RBFOX1: variants seen among roughly 807,000 people sequenced by gnomAD.
RBFOX1 encodes RNA binding protein fox-1 homolog 1.
Under a neutral mutation model 57.7 loss-of-function variants are expected in RBFOX1, and 8 were observed. The observed-to-expected ratio is 0.14, with a 90% CI of 0.08 to 0.25. The LOEUF (loss-of-function observed/expected upper bound fraction) is 0.25, where lower values mean the gene tolerates loss of function less well. Ranked by LOEUF, RBFOX1 falls within the 10% of genes least tolerant of loss-of-function variation. The probability of loss-of-function intolerance (pLI) is 1.00; values close to 1 mark genes in which losing one functional copy is unlikely to be tolerated. For missense variants in RBFOX1, 611 were observed against 548.5 expected (o/e 1.11, Z -1.14); for synonymous variants, 326 against 222.4 (o/e 1.47, Z -4.15).
chr16:7,519,807 T>G, intron 5 of RBFOX1: 1 of 820,320 alleles, frequency 1.2e-6, no homozygotes, highest in Non-Finnish European at 1.5e-6. Context: ...ACATTTCCTG[T>G]GATAAAAGAA....
intron 4 of RBFOX1, among the ~76,000 whole-genome samples, chr16:7,324,869 A>C (rs2096591321): frequency 6.6e-6 from 1 of 152,204 alleles, no homozygotes; most frequent in Admixed American, 6.5e-5. Context: ...CATCTTCATC[A>C]TCCCTAAAAA....
intron 4 of RBFOX1, among the ~76,000 whole-genome samples, chr16:7,112,066 G>A (rs556524249): frequency 1.8e-4 from 27 of 152,292 alleles, no homozygotes; most frequent in African/African-American, 6.0e-4. Context: ...GTGTGAGAGA[G>A]ATAAATTAAT....
intron 1 of RBFOX1, among the ~76,000 whole-genome samples, chr16:6,266,511 C>T (rs928358884): frequency 2.6e-5 from 4 of 151,944 alleles, no homozygotes; most frequent in Middle Eastern, 3.2e-3. Flanking sequence ...GTCAGGAGTT[C>T]GAGACCAGCC....
chr16:7,547,248 C>A (rs2084827007), intron 5 of RBFOX1, among the ~76,000 whole-genome samples: 1 of 152,218 alleles, frequency 6.6e-6, no homozygotes, highest in South Asian at 2.1e-4. Context: ...TAAAATCCAG[C>A]AGGCAACCTG....
At chr16:5,974,556 G>T (rs563477240) in intron 4 of RBFOX1, among the ~76,000 whole-genome samples, 2 of 152,164 alleles carry the variant, frequency 1.3e-5, no homozygotes, top group African/African-American at 2.4e-5. Context: ...GTTGCAGTGA[G>T]CTGAGATGGC....
intron 3 of RBFOX1, among the ~76,000 whole-genome samples, chr16:6,784,288 G>A (rs796240180): frequency 3.3e-5 from 5 of 151,856 alleles, no homozygotes; most frequent in Admixed American, 2.0e-4. Flanking sequence ...AATATTACAG[G>A]CATCTTTTGT....
intron 3 of RBFOX1, among the ~76,000 whole-genome samples, chr16:5,644,821 G>A (rs555378642): frequency 6.6e-6 from 1 of 152,238 alleles, no homozygotes; most frequent in East Asian, 1.9e-4. Context: ...TGTACTTTTT[G>A]CCAATTGTGA....
chr16:7,626,631 G>A (rs2060115177), intron 10 of RBFOX1, among the ~76,000 whole-genome samples: 1 of 152,146 alleles, frequency 6.6e-6, no homozygotes, highest in African/African-American at 2.4e-5. Flanking sequence ...AACTTTATAA[G>A]AACCAGGAAA....
At chr16:7,007,358 T>C (rs34437700) in intron 3 of RBFOX1, among the ~76,000 whole-genome samples, 1 of 152,214 alleles carries the variant, frequency 6.6e-6, no homozygotes, top group East Asian at 1.9e-4. Flanking sequence ...ATGTACCTCA[T>C]TGCAGCTGGA....
intron 14 of RBFOX1, among the ~76,000 whole-genome samples, chr16:7,678,677 C>G (rs1052147947): frequency 6.6e-6 from 1 of 152,194 alleles, no homozygotes; most frequent in Admixed American, 6.5e-5. Context: ...TAAGACTGGT[C>G]TAGACATTTA....
intron 1 of RBFOX1, among the ~76,000 whole-genome samples, chr16:6,263,473 A>C (rs1254748641): frequency 1.3e-5 from 2 of 152,186 alleles, no homozygotes; most frequent in Non-Finnish European, 1.5e-5. Context: ...GAATCGCCTG[A>C]TTTGAACTGA....
chr16:7,361,264 C>T lies in RBFOX1; in HGVS notation c.28-156883C>T, dbSNP rs183171415. Among the ~76,000 whole-genome samples the T allele has an allele frequency of 6.4e-4, 97 of 152,324 alleles. 1 individual carries two copies. In the East Asian group the frequency reaches 0.015, roughly 23 times the overall value. On this transcript the variant is annotated intron_variant, in intron 4 of 15. Coordinates refer to ENST00000550418, the MANE Select transcript of RBFOX1 (RefSeq NM_018723.4). ...TTTGTGTCATTGCACACTTTGTAGC[C>T]ATTCCGTCTCGCTGGGCCTGCCTGT...
chr16:6,912,363 G>T (rs79754898), intron 3 of RBFOX1, among the ~76,000 whole-genome samples: 6,184 of 152,180 alleles, frequency 0.041, 216 homozygotes, highest in East Asian at 0.12. Context: ...CCCAGGTGAT[G>T]TGGATCTCGG....
chr16:7,221,514 G>A (rs376452377), intron 4 of RBFOX1, among the ~76,000 whole-genome samples: 9 of 151,836 alleles, frequency 5.9e-5, no homozygotes, highest in African/African-American at 1.5e-4. Flanking sequence ...TTACAGGTGC[G>A]TGCCATCACA....
intron 2 of RBFOX1, among the ~76,000 whole-genome samples, chr16:6,570,579 G>C (rs1156840601): frequency 1.3e-5 from 2 of 151,970 alleles, no homozygotes; most frequent in Non-Finnish European, 2.9e-5. Context: ...AAGATCAAGA[G>C]CATGTTTTAT....
intron 3 of RBFOX1, among the ~76,000 whole-genome samples, chr16:5,707,560 C>A (rs960169882): frequency 1.3e-5 from 2 of 152,182 alleles, no homozygotes; most frequent in Non-Finnish European, 2.9e-5. Flanking sequence ...AGGCAAATAT[C>A]ATGCCTTCCC....
intron 4 of RBFOX1, among the ~76,000 whole-genome samples, chr16:7,435,625 A>T (rs777833507): frequency 6.6e-6 from 1 of 152,192 alleles, no homozygotes; most frequent in African/African-American, 2.4e-5. Context: ...ATGCAAGATG[A>T]ACTATTGCAA....
chr16:6,750,342 G>C (rs1485437979), intron 3 of RBFOX1, among the ~76,000 whole-genome samples: 1 of 152,210 alleles, frequency 6.6e-6, no homozygotes, highest in East Asian at 1.9e-4. Flanking sequence ...GGAGCTTGGT[G>C]ATAGATGCCT....
intron 9 of RBFOX1, among the ~76,000 whole-genome samples, chr16:7,606,056 C>T (rs937519396): frequency 3.3e-5 from 5 of 151,908 alleles, no homozygotes; most frequent in African/African-American, 1.2e-4. Context: ...AGTAACCTGC[C>T]TGCCTTGGCC....
Sources: allele counts gnomAD v4.1 joint callset (sites outside exome capture counted in the v4.1 genomes callset), GRCh38; gene constraint gnomAD v4.1.1; transcripts MANE v1.5; gene names NCBI Gene and HGNC (gene_info 2026-07-23, HGNC 2026-07-21).